ATG2B: variants seen among roughly 807,000 people sequenced by gnomAD.
ATG2B encodes autophagy-related protein 2 homolog B.
ATG2B carries 121 observed loss-of-function variants against 241.3 expected under a neutral mutation model. That is an observed-to-expected ratio of 0.50 (90% CI 0.43 to 0.58). The LOEUF (loss-of-function observed/expected upper bound fraction) is 0.58. Among genes scored for constraint, ATG2B ranks in the 20% least tolerant of loss-of-function variants. The pLI, the probability that ATG2B is intolerant of heterozygous loss-of-function variation, is 0.00. For missense variants in ATG2B, 2,306 were observed against 2,491.6 expected, an observed-to-expected ratio of 0.93 and a Z score of 1.59; for synonymous variants, 858 against 876.6, an observed-to-expected ratio of 0.98 and a Z score of 0.37.
chr14:96,347,028 T>C (rs1158515141), intron 2 of ATG2B, 151 bp downstream of exon 2: 2 of 556,274 alleles, frequency 3.6e-6, no homozygotes, highest in Non-Finnish European at 5.7e-6. Flanking sequence ...TTTGTAAACA[T>C]GCACATTCTA....
At chr14:96,334,937 C>T (rs1258085773) in intron 6 of ATG2B, among the ~76,000 whole-genome samples, 1 of 152,188 alleles carries the variant, frequency 6.6e-6, no homozygotes, top group Non-Finnish European at 1.5e-5. Flanking sequence ...ACCAATCATA[C>T]TCTAGCAGAG....
At position 96,315,144 on chromosome 14, in the gene ATG2B, GCT is replaced by G; in HGVS notation, c.3642+8_3642+9del. 1 of 1,608,186 alleles carries G rather than the reference GCT, an allele frequency of 6.2e-7. No individual in the cohort carries two copies. The highest frequency in any genetic ancestry group is 8.5e-7 in the Non-Finnish European group (1 of 1,175,156). ...TAAATAAATTAATACATATATAACA[GCT>G]CTCTTACCTGCTCATGCCAGCTAAG... On this transcript the variant is annotated splice_region_variant and intron_variant, in intron 23 of 41. Coordinates refer to ENST00000359933, the MANE Select transcript of ATG2B (RefSeq NM_018036.7).
chr14:96,287,274 C>A (rs3783432), intron 41 of ATG2B, among the ~76,000 whole-genome samples: 42,265 of 106,262 alleles, frequency 0.4, 8,108 homozygotes, highest in African/African-American at 0.51. Context: ...AAAAAAAAAA[C>A]GTGTCCAGAA....
chr14:96,326,024 T>C, intron 14 of ATG2B, 102 bp from the exon 15 acceptor site: 1 of 1,160,398 alleles, frequency 8.6e-7, no homozygotes, highest in Non-Finnish European at 1.2e-6. Context: ...ATCTCCCCAT[T>C]TGGTATAATG....
At chr14:96,301,964 C>CAG (rs1281168968) in intron 34 of ATG2B, 43 bp downstream of exon 34, 2 of 1,402,044 alleles carry the variant, frequency 1.4e-6, no homozygotes, top group Non-Finnish European at 2.0e-6. Context: ...AACATGCAGT[C>CAG]TAATCTAACT....
In ATG2B at chr14:96,317,332, C is replaced by T. The variant is rs1887343188; in HGVS notation, c.3038-15G>A. The T allele has an allele frequency of 1.3e-6, 2 of 1,590,670 alleles. No homozygotes were observed. Among genetic ancestry groups the T allele is most frequent in the Non-Finnish European group, 8.6e-7 (1 of 1,167,352 alleles). On this transcript the variant is annotated splice_polypyrimidine_tract_variant and intron_variant, in intron 19 of 41. Transcript: ENST00000359933. ...ACTTTCCTCATCTATGAGAAATAAA[C>T]ATACAATTACATTCTGATAGCATAT...
chr14:96,311,166 G>A lies in ATG2B; in HGVS notation c.4112C>T (p.Thr1371Ile). Residue 1371 changes from threonine (T) to isoleucine (I), a missense_variant, in exon 28 of 42, where the codon ACA becomes ATA. This residue lies in a region of ATG2B where 1,927 missense variants were observed against 2,011.2 expected (regional missense o/e 0.96). Transcript: ENST00000359933. ...AGGCTTCATATCTGCCTTGTTAGGT[G>A]TCTGCAAGTCACCATAGCTTGCAAT... is the stretch of plus-strand genomic sequence containing the variant. ...QYIASYGDLQ[T>I]PNKADMKPGA... 1 of 1,613,868 alleles carries A rather than the reference G, an allele frequency of 6.2e-7. No individual in the cohort carries two copies. The highest frequency in any genetic ancestry group is 1.3e-5 in the African/African-American group (1 of 74,994).
intron 41 of ATG2B, among the ~76,000 whole-genome samples, chr14:96,287,074 T>C (rs1230067887): frequency 1.3e-5 from 2 of 151,770 alleles, no homozygotes; most frequent in Non-Finnish European, 2.9e-5. Flanking sequence ...GCTAACACAG[T>C]GAAACCCCGT....
chr14:96,317,088 C>T, intron 20 of ATG2B, 57 bp downstream of exon 20: 1 of 1,417,210 alleles, frequency 7.1e-7, no homozygotes, highest in Non-Finnish European at 9.7e-7. Context: ...TGTATCCTAG[C>T]AGATTTATTT....
Position 96,336,153 on chromosome 14 carries a change from TAAA to T in ATG2B, c.925-1655_925-1653del, listed in dbSNP as rs74984817. Reference sequence around the variant, plus strand: ...TCAAGGGAATACTATTCAGAGAACTTAAAAAAAAAAAAAAAACATGAAATCTTT... The same window carrying T: ...TCAAGGGAATACTATTCAGAGAACTTAAAAAAAAAAAAACATGAAATCTTT... On this transcript the variant is annotated intron_variant, in intron 6 of 41. Transcript: ENST00000359933. Among the ~76,000 whole-genome samples, 11 of 131,548 alleles carry T rather than the reference TAAA, an allele frequency of 8.4e-5. No homozygotes were observed. The East Asian group carries it at 2.2e-3, about 26-fold the overall frequency. 86.3% of individuals were successfully genotyped at this position (131,548 alleles called of 152,430 possible).
chr14:96,319,349 T>C (rs1887399249), intron 18 of ATG2B, among the ~76,000 whole-genome samples: 1 of 152,204 alleles, frequency 6.6e-6, no homozygotes, highest in African/African-American at 2.4e-5. Context: ...TAAGGACATA[T>C]CACCATGACT....
rs1020709662 is a variant in ATG2B at position 96,285,943 on chromosome 14, G to C, written c.6049C>G (p.Arg2017Gly). Reference sequence around the variant, plus strand: ...GTCACCCCTCTGCTCTCGTGTTCTCGAGCCGCAGTTTCATAAATGGTCTGA... The same window carrying C: ...GTCACCCCTCTGCTCTCGTGTTCTCCAGCCGCAGTTTCATAAATGGTCTGA... ...TAQTIYETAAREHESRGVTGA... is the reference protein window; with the variant it reads ...TAQTIYETAAGEHESRGVTGA... Residue 2017 changes from arginine to glycine, a missense_variant, in exon 42 of 42, where the codon CGA becomes GGA. Transcript: ENST00000359933. This position sits in a 1 kb window ranked among gnomAD's most constrained non-coding sequence, Gnocchi z 4.2. 1 of 1,613,890 alleles carries C rather than the reference G, an allele frequency of 6.2e-7. No homozygotes were observed. The highest frequency in any genetic ancestry group is 8.5e-7 in the Non-Finnish European group (1 of 1,179,994).
In ATG2B at chr14:96,308,205, TA is replaced by T. The variant is rs1566719484; in HGVS notation, c.4303+1247del. The stretch of plus-strand genomic sequence containing the variant: ...ATACATAAATATATATATACATATA[TA>T]TATAAATACATAAATATATATATAC... On this transcript the variant is annotated intron_variant, in intron 29 of 41. Coordinates refer to ENST00000359933, the MANE Select transcript of ATG2B (RefSeq NM_018036.7). Among the ~76,000 whole-genome samples, 3 of 130,274 alleles carry T rather than the reference TA, an allele frequency of 2.3e-5. No individual in the cohort carries two copies. In the East Asian group the frequency reaches 6.4e-4, roughly 28 times the overall value. The allele number at this position is 130,274 out of a possible 152,430, so 85.5% of individuals were successfully genotyped here. A position where few individuals can be genotyped will look rare whatever the true frequency, so the allele number is the denominator to read the frequency against.
rs897260003 is a variant in ATG2B at position 96,313,559 on chromosome 14, C to T, written c.3643-124G>A. ...AAATCATTTAATTGGAAAATCATAA[C>T]GGTAAAAGGAAAAAAATCATCATTT... is the stretch of plus-strand genomic sequence containing the variant. On this transcript the variant is annotated intron_variant, in intron 23 of 41. Transcript: ENST00000359933. 93 of 497,670 alleles carry T rather than the reference C, an allele frequency of 1.9e-4. 1 individual carries two copies. The highest frequency in any genetic ancestry group is 6.1e-4 in the Admixed American group (16 of 26,070). 30.8% of individuals were successfully genotyped at this position (497,670 alleles called of 1,614,324 possible). A position where few individuals can be genotyped will look rare whatever the true frequency, so the allele number is the denominator to read the frequency against.
At chr14:96,325,043 A>G (rs73363256) in intron 15 of ATG2B, among the ~76,000 whole-genome samples, 4,404 of 152,222 alleles carry the variant, frequency 0.029, 225 homozygotes, top group African/African-American at 0.1. Context: ...ACTGACAAAA[A>G]CAAAGTAATG....
Position 96,333,816 on chromosome 14 carries a change from T to G in ATG2B, c.1079A>C (p.Gln360Pro). 1.2e-6 allele frequency: 2 copies of G among 1,613,974 alleles called. No individual in the cohort carries two copies. The highest frequency in any genetic ancestry group is 1.7e-6 in the Non-Finnish European group (2 of 1,179,896). ...CATCTGAATTCGATACTCGTCTTCC[T>G]GCTGCATGGGTCGATTTTTCCTATC... ...NKDRKNRPMQ[Q>P]EDEYRIQMEL... is the part of the protein sequence containing the mutation. The change falls in exon 8 of 42, where the codon CAG becomes CCG. Residue 360 changes from glutamine to proline, a missense_variant. Around this residue, in one of 2 missense-constraint regions of ATG2B, gnomAD observed 1,927 missense variants for 2,011.2 expected, o/e 0.96. Coordinates refer to ENST00000359933, the MANE Select transcript of ATG2B (RefSeq NM_018036.7).
chr14:96,333,654 T>A lies in ATG2B; in HGVS notation c.1207+34A>T, dbSNP rs1218804944. On this transcript the variant is annotated intron_variant, in intron 8 of 41. Transcript: ENST00000359933. ...TGTAATTTTATCTATGATTATAATATATGATTCTGGTGTCAACAGTTTGAG... is the reference window on the plus strand; with the variant it reads ...TGTAATTTTATCTATGATTATAATAAATGATTCTGGTGTCAACAGTTTGAG... 1.9e-6 allele frequency: 3 copies of A among 1,584,506 alleles called. No individual in the cohort carries two copies. The East Asian group carries it at 6.7e-5, about 36-fold the overall frequency.
intron 20 of ATG2B, 37 bp downstream of exon 20, chr14:96,317,107 AT>A: frequency 6.5e-7 from 1 of 1,527,436 alleles, no homozygotes; most frequent in Non-Finnish European, 8.9e-7. Context: ...TTAAAGTAAG[AT>A]ACATTTGAAA....
intron 34 of ATG2B, among the ~76,000 whole-genome samples, chr14:96,299,669 C>G (rs1293303519): frequency 1.3e-5 from 2 of 152,208 alleles, no homozygotes; most frequent in Non-Finnish European, 2.9e-5. Flanking sequence ...ATCCACTTAT[C>G]CACCAGATGG....
Sources: gnomAD v4.1 joint callset for allele counts (sites outside exome capture counted in the v4.1 genomes callset) on GRCh38, gnomAD v4.1.1 for gene constraint, gnomAD v4.1.1 regional missense constraint, Gnocchi (gnomAD v3.1) non-coding constraint, MANE v1.5 for transcripts, NCBI Gene and HGNC (gene_info 2026-07-23, HGNC 2026-07-21) for gene names.